The following DST variants were observed in gnomAD, a reference collection of about 807,000 sequenced individuals.
DST encodes the protein bullous pemphigoid antigen.
DST carries 253 observed loss-of-function variants against 875.2 expected under a neutral mutation model. The observed-to-expected ratio is 0.29, with a 90% confidence interval of 0.26 to 0.32. DST has a LOEUF of 0.32. DST is among the 10% of genes least tolerant of loss of function. DST has a pLI of 1.00. For synonymous variants in DST, 3,124 were observed against 3,197.1 expected, an observed-to-expected ratio of 0.98 and a Z score of 0.77; for missense variants, 8,287 against 9,111.6, an observed-to-expected ratio of 0.91 and a Z score of 3.68.
intron 4 of DST, among the ~76,000 whole-genome samples, chr6:56,828,959 CAA>C (rs1057067549): frequency 7.2e-5 from 11 of 152,180 alleles, no homozygotes; most frequent in African/African-American, 2.7e-4. Context: ...GAAGCCACTT[CAA>C]AGCTGAAGAC....
At position 56,640,225 on chromosome 6, in the gene DST, G is replaced by A; in HGVS notation, c.2408C>T (p.Ser803Phe). ...TTCTGTTAAATTTTGATCCAGCAAA[G>A]AAGACTTTAGAAGGGGTTTTCGGAT... ...MQIRKPLLKS[S>F]LLDQNLTEEE... The change falls in exon 18 of 104, where the codon TCT becomes TTT. Residue 803 changes from serine (S) to phenylalanine (F), a missense_variant. By Grantham distance (155) the Ser-to-Phe change is radical. Around this residue, in one of 10 missense-constraint regions of DST, gnomAD observed 1,160 missense variants for 1,424.3 expected, o/e 0.81. Coordinates refer to ENST00000680361, the MANE Select transcript of DST (RefSeq NM_001374736.1). 6.2e-7 allele frequency: 1 copy of A among 1,614,164 alleles called. No individual in the cohort carries two copies. The highest frequency in any genetic ancestry group is 1.3e-5 in the African/African-American group (1 of 75,056).
At chr6:56,919,652 A>C (rs1803050861) in intron 2 of DST, among the ~76,000 whole-genome samples, 1 of 152,102 alleles carries the variant, frequency 6.6e-6, no homozygotes, top group Admixed American at 6.6e-5. Flanking sequence ...ATAAATTTGG[A>C]TATATATATT....
intron 2 of DST, among the ~76,000 whole-genome samples, chr6:56,904,807 T>C: frequency 6.6e-6 from 1 of 152,200 alleles, no homozygotes; most frequent in Non-Finnish European, 1.5e-5. Flanking sequence ...TCTTTTTCTT[T>C]TGAGACCGAG....
intron 50 of DST, 96 bp downstream of exon 50, chr6:56,578,718 A>T: frequency 7.8e-7 from 1 of 1,282,076 alleles, no homozygotes; most frequent in East Asian, 2.5e-5. Flanking sequence ...CATAGAACAC[A>T]ATCTATAACT....
intron 2 of DST, among the ~76,000 whole-genome samples, chr6:56,917,932 A>G (rs1336500313): frequency 1.3e-5 from 2 of 152,188 alleles, no homozygotes; most frequent in African/African-American, 2.4e-5. Context: ...CCTTTTTTGA[A>G]CCCTATAAAT....
intron 10 of DST, among the ~76,000 whole-genome samples, chr6:56,668,779 T>A (rs2152824631): frequency 6.6e-6 from 1 of 151,624 alleles, no homozygotes; most frequent in Admixed American, 6.6e-5. Flanking sequence ...AAAAAATTAA[T>A]TAATTAATTA....
intron 73 of DST, among the ~76,000 whole-genome samples, chr6:56,510,075 C>T (rs1232147294): frequency 6.6e-6 from 1 of 152,124 alleles, no homozygotes; most frequent in African/African-American, 2.4e-5. Flanking sequence ...GCACCTCTGT[C>T]ACACTACCTA....
At chr6:56,617,234 T>C (rs1232940543) in intron 36 of DST, 4 of 1,606,882 alleles carry the variant, frequency 2.5e-6, no homozygotes, top group African/African-American at 1.3e-5. Flanking sequence ...TGAACATGCA[T>C]GATCACCATC....
chr6:56,751,033 C>A lies in DST; in HGVS notation c.626-15744G>T, dbSNP rs184062314. ...CAGAAGTTAAGTAATTTGTTCAAGG[C>A]CCCAGAATCCATGCTCTTAACCCCC... On this transcript the variant is annotated intron_variant, in intron 4 of 103. Transcript: ENST00000680361. 7.4e-4 allele frequency among the ~76,000 whole-genome samples: 113 copies of A among 152,166 alleles called. No individual in the cohort carries two copies. The South Asian group carries it at 0.02, about 27-fold the overall frequency.
At chr6:56,951,924 C>CT (rs1253438962) in intron 2 of DST, among the ~76,000 whole-genome samples, 1 of 152,166 alleles carries the variant, frequency 6.6e-6, no homozygotes, top group Non-Finnish European at 1.5e-5. Flanking sequence ...CTGCCCAACT[C>CT]TGAGTTCTAT....
intron 3 of DST, among the ~76,000 whole-genome samples, chr6:56,859,905 G>A (rs756236242): frequency 8.5e-5 from 13 of 152,084 alleles, no homozygotes; most frequent in Non-Finnish European, 5.9e-5. Flanking sequence ...TCGAGCCTCC[G>A]CAGTCCCTTC....
At chr6:56,508,413 A>C (rs1169327296) in intron 75 of DST, 116 bp downstream of exon 75, 3 of 854,196 alleles carry the variant, frequency 3.5e-6, no homozygotes, top group South Asian at 3.3e-5. Flanking sequence ...TGCACATTCC[A>C]TTTTCAGAAC....
intron 80 of DST, among the ~76,000 whole-genome samples, chr6:56,500,010 ACTAT>A (rs1328617351): frequency 6.6e-6 from 1 of 152,156 alleles, no homozygotes; most frequent in Non-Finnish European, 1.5e-5. Flanking sequence ...CTGGGCAATG[ACTAT>A]CAATGTAGAT....
chr6:56,482,256 T>C, intron 89 of DST, 78 bp from the exon 90 acceptor site: 1 of 1,466,972 alleles, frequency 6.8e-7, no homozygotes, highest in Non-Finnish European at 9.1e-7. Context: ...AACTGTATAG[T>C]GGATTCATCC....
At chr6:56,499,080 G>A (rs2096026020) in intron 80 of DST, among the ~76,000 whole-genome samples, 1 of 152,106 alleles carries the variant, frequency 6.6e-6, no homozygotes, top group African/African-American at 2.4e-5. Flanking sequence ...TCCTTTCAAG[G>A]AGGCTATGCT....
In DST at chr6:56,458,910, T is replaced by C; in HGVS notation, c.*95A>G. On this transcript the variant is annotated 3_prime_UTR_variant, in exon 104 of 104. Coordinates refer to ENST00000680361, the MANE Select transcript of DST (RefSeq NM_001374736.1). ...ATCTGCAGAATTTTAAACTCGCCTC[T>C]TGCAATATTTCACAAGAATTTCTAC... is the stretch of plus-strand genomic sequence containing the variant. 1 of 1,320,606 alleles carries C rather than the reference T, an allele frequency of 7.6e-7. No individual in the cohort carries two copies. Among genetic ancestry groups the C allele is most frequent in the South Asian group, 2.1e-5 (1 of 46,540 alleles). 81.8% of individuals were successfully genotyped at this position (1,320,606 alleles called of 1,614,324 possible).
intron 61 of DST, among the ~76,000 whole-genome samples, chr6:56,546,094 C>A (rs1368951176): frequency 6.6e-6 from 1 of 151,688 alleles, no homozygotes; most frequent in Non-Finnish European, 1.5e-5. Context: ...GTAGAATATT[C>A]TCATCCTAAA....
At chr6:56,591,252 T>C (rs1337738463) in intron 49 of DST, among the ~76,000 whole-genome samples, 3 of 152,250 alleles carry the variant, frequency 2.0e-5, no homozygotes, top group Admixed American at 6.5e-5. Context: ...CGCACTGTTA[T>C]GCAGTTTTGA....
At chr6:56,750,804 G>C (rs567617407) in intron 4 of DST, among the ~76,000 whole-genome samples, 6 of 152,186 alleles carry the variant, frequency 3.9e-5, no homozygotes, top group Admixed American at 1.3e-4. Context: ...GCACTGATGG[G>C]AGACTCCACT....
Sources: gnomAD v4.1 joint callset for allele counts (sites outside exome capture counted in the v4.1 genomes callset) on GRCh38, gnomAD v4.1.1 for gene constraint, gnomAD v4.1.1 regional missense constraint, MANE v1.5 for transcripts, NCBI Gene and HGNC (gene_info 2026-07-23, HGNC 2026-07-21) for gene names.